The following MACROH2A2 variants were observed in gnomAD, a reference collection of about 807,000 sequenced individuals.
The protein encoded by MACROH2A2 is core histone macro-H2A.2.
Under a neutral mutation model 37.6 loss-of-function variants are expected in MACROH2A2, and 6 were observed. That is an observed-to-expected ratio of 0.16 (90% CI 0.09 to 0.32). MACROH2A2 has a LOEUF of 0.32. Among genes scored for constraint, MACROH2A2 ranks in the 10% least tolerant of loss-of-function variants. MACROH2A2 has a pLI of 1.00. For missense variants in MACROH2A2, 290 were observed against 485.9 expected (o/e 0.60, Z 3.79); for synonymous variants, 192 against 202.7 (o/e 0.95, Z 0.45).
At chr10:70,064,909 G>A (rs191546446) in intron 1 of MACROH2A2, among the ~76,000 whole-genome samples, 26 of 152,206 alleles carry the variant, frequency 1.7e-4, no homozygotes, top group Admixed American at 1.5e-3. Context: ...TTGAATGCAT[G>A]CCCTGCACAC....
intron 5 of MACROH2A2, 37 bp from the exon 6 acceptor site, chr10:70,095,617 T>C: frequency 1.1e-6 from 1 of 952,310 alleles, no homozygotes; most frequent in Non-Finnish European, 1.7e-6. Flanking sequence ...CAGAATTTTA[T>C]CTTTTCCACA....
At chr10:70,084,674 T>A (rs1165726505) in intron 2 of MACROH2A2, among the ~76,000 whole-genome samples, 1 of 152,074 alleles carries the variant, frequency 6.6e-6, no homozygotes, top group Non-Finnish European at 1.5e-5. Flanking sequence ...TGATCACGGC[T>A]CACTACAGCC....
rs572234494 is a variant in MACROH2A2, at chr10:70,107,600, C to T, written c.779-1433C>T. Among the ~76,000 whole-genome samples the T allele has an allele frequency of 1.0e-3, 153 of 152,282 alleles. No individual in the cohort carries two copies. Among genetic ancestry groups the T allele is most frequent in the African/African-American group, 3.5e-3 (145 of 41,562 alleles). ...GGACTTCCCTCGAGCTTAGCAGCCA[C>T]GGGGCTTTATCAACTCTGTCACCAA... is the stretch of plus-strand genomic sequence containing the variant. On this transcript the variant is annotated intron_variant, in intron 7 of 8. Coordinates refer to ENST00000373255, the MANE Select transcript of MACROH2A2 (RefSeq NM_018649.3). The surrounding 1 kb of genome is among the most constrained non-coding windows in gnomAD (Gnocchi z 4.4).
chr10:70,076,131 A>G (rs1420267785), intron 2 of MACROH2A2, among the ~76,000 whole-genome samples: 1 of 152,242 alleles, frequency 6.6e-6, no homozygotes, highest in Non-Finnish European at 1.5e-5. Context: ...CGAATGCAAT[A>G]TATAAATATC....
chr10:70,062,405 T>C (rs1192150059), intron 1 of MACROH2A2, among the ~76,000 whole-genome samples: 1 of 152,206 alleles, frequency 6.6e-6, no homozygotes, highest in Admixed American at 6.5e-5. Context: ...ATTTCAGCAA[T>C]TTTAAAACAG....
At chr10:70,079,121 G>A (rs2072157788) in intron 2 of MACROH2A2, among the ~76,000 whole-genome samples, 1 of 152,160 alleles carries the variant, frequency 6.6e-6, no homozygotes, top group Non-Finnish European at 1.5e-5. Context: ...GGGAATGAGA[G>A]GAACTTCGGG....
chr10:70,068,097 T>G (rs939991818), intron 1 of MACROH2A2, among the ~76,000 whole-genome samples: 2 of 151,492 alleles, frequency 1.3e-5, no homozygotes, highest in African/African-American at 4.9e-5. Flanking sequence ...ACATTTTGAT[T>G]CCTTTTTGCT....
rs557701904 is a variant in MACROH2A2 at position 70,096,672 on chromosome 10, G to A, written c.688+919G>A. Among the ~76,000 whole-genome samples, 175 of 152,242 alleles carry A rather than the reference G, an allele frequency of 1.1e-3. 1 individual carries two copies. The highest frequency in any genetic ancestry group is 3.9e-3 in the African/African-American group (161 of 41,546). On this transcript the variant is annotated intron_variant, in intron 6 of 8. Transcript: ENST00000373255. ...AGCAGAACTGCCTTAAACTCTCCAC[G>A]GAAAGGGTAAAGTGAGCAAAGAAGG... is the stretch of plus-strand genomic sequence containing the variant.
intron 2 of MACROH2A2, 117 bp from the exon 3 acceptor site, chr10:70,089,943 G>A (rs968629022): frequency 9.4e-6 from 7 of 745,968 alleles, no homozygotes; most frequent in Admixed American, 5.8e-5. Context: ...TTTCCAGGCC[G>A]AGACATAGAA....
intron 1 of MACROH2A2, among the ~76,000 whole-genome samples, chr10:70,064,734 G>A (rs763029237): frequency 1.2e-4 from 19 of 152,100 alleles, no homozygotes; most frequent in Admixed American, 7.2e-4. Flanking sequence ...GTAAGAAGTG[G>A]TTTTTGCCTC....
chr10:70,079,558 C>G (rs77450889), intron 2 of MACROH2A2, among the ~76,000 whole-genome samples: 1 of 118,314 alleles, frequency 8.5e-6, no homozygotes, highest in Non-Finnish European at 1.7e-5. Context: ...GGTTCGCGCG[C>G]GCGCGCGCAC....
intron 1 of MACROH2A2, among the ~76,000 whole-genome samples, chr10:70,068,608 A>G (rs549181592): frequency 6.6e-6 from 1 of 152,314 alleles, no homozygotes; most frequent in African/African-American, 2.4e-5. Context: ...TTTTAATCAC[A>G]GCAACAGCCA....
chr10:70,076,863 C>T lies in MACROH2A2; in HGVS notation c.172+1033C>T, dbSNP rs148309666. ...GGTTTTTCCTCTTTAGATGCTCAGTCCTGCCCTGCCCTCTTAGTCCCCATC... is the reference window on the plus strand; with the variant it reads ...GGTTTTTCCTCTTTAGATGCTCAGTTCTGCCCTGCCCTCTTAGTCCCCATC... On this transcript the variant is annotated intron_variant, in intron 2 of 8. Transcript: ENST00000373255. Among the ~76,000 whole-genome samples the T allele has an allele frequency of 1.6e-3, 241 of 152,214 alleles. 2 individuals are homozygous for T. Among genetic ancestry groups the T allele is most frequent in the African/African-American group, 5.6e-3 (234 of 41,522 alleles).
At chr10:70,085,694 C>G (rs1475353348) in intron 2 of MACROH2A2, among the ~76,000 whole-genome samples, 1 of 152,138 alleles carries the variant, frequency 6.6e-6, no homozygotes, top group African/African-American at 2.4e-5. Flanking sequence ...CAGCTGTATT[C>G]CAGATGGTTA....
At chr10:70,087,175 T>C (rs1170851986) in intron 2 of MACROH2A2, among the ~76,000 whole-genome samples, 2 of 151,642 alleles carry the variant, frequency 1.3e-5, no homozygotes, top group Non-Finnish European at 2.9e-5. Flanking sequence ...AGAGGTGAGA[T>C]CCTGTCTCCA....
chr10:70,066,202 A>C (rs545359189), intron 1 of MACROH2A2, among the ~76,000 whole-genome samples: 267 of 152,124 alleles, frequency 1.8e-3, no homozygotes, highest in Non-Finnish European at 3.2e-3. Context: ...TGTGGTGTAC[A>C]CCTATAGTCC....
At chr10:70,081,258 C>T (rs1184126720) in intron 2 of MACROH2A2, among the ~76,000 whole-genome samples, 5 of 151,962 alleles carry the variant, frequency 3.3e-5, no homozygotes, top group Admixed American at 2.0e-4. Context: ...TGCTTAGCAC[C>T]GCTCGGCACA....
intron 2 of MACROH2A2, among the ~76,000 whole-genome samples, chr10:70,079,454 C>G (rs1012582448): frequency 2.6e-5 from 4 of 151,622 alleles, no homozygotes; most frequent in East Asian, 1.9e-4. Context: ...TCTAATGTGC[C>G]GAGAGCAGAG....
chr10:70,057,319 C>A (rs2072024009), intron 1 of MACROH2A2, among the ~76,000 whole-genome samples: 1 of 128,306 alleles, frequency 7.8e-6, no homozygotes, highest in Non-Finnish European at 1.6e-5. Context: ...CGTTCCCTTC[C>A]AAGCCATTCC....
Sources: gnomAD v4.1 joint callset for allele counts (sites outside exome capture counted in the v4.1 genomes callset) on GRCh38, gnomAD v4.1.1 for gene constraint, Gnocchi (gnomAD v3.1) non-coding constraint, MANE v1.5 for transcripts, NCBI Gene and HGNC (gene_info 2026-07-23, HGNC 2026-07-21) for gene names.